Variants in XKR4 observed in about 807,000 individuals in gnomAD.
The protein encoded by XKR4 is XK related 4.
Under a neutral mutation model 53.9 loss-of-function variants are expected in XKR4, and 12 were observed. The ratio of observed to expected loss-of-function variants is 0.22; its 90% CI spans 0.14 to 0.36. The LOEUF (loss-of-function observed/expected upper bound fraction) is 0.36. XKR4 is among the 10% of genes least tolerant of loss of function. The pLI, the probability that XKR4 is intolerant of heterozygous loss-of-function variation, is 1.00. For synonymous variants in XKR4, 354 were observed against 362.4 expected, an observed-to-expected ratio of 0.98 and a Z score of 0.26; for missense variants, 799 against 859.5, an observed-to-expected ratio of 0.93 and a Z score of 0.88.
chr8:55,196,909 A>G (rs1247898690), intron 1 of XKR4, among the ~76,000 whole-genome samples: 2 of 152,158 alleles, frequency 1.3e-5, no homozygotes, highest in East Asian at 3.9e-4. Context: ...GACGGACGCT[A>G]GAAGAAGAAA....
chr8:55,512,516 G>A (rs2063027), intron 2 of XKR4, among the ~76,000 whole-genome samples: 11,942 of 152,168 alleles, frequency 0.078, 1,071 homozygotes, highest in East Asian at 0.28. Flanking sequence ...CTTAGTACAC[G>A]GGTTCTCTCT....
rs1807037696 is a variant in XKR4 at position 55,536,769 on chromosome 8, T to C, written c.*12542T>C. On this transcript the variant is annotated 3_prime_UTR_variant, in exon 3 of 3. Transcript: ENST00000327381. ...CATGAATGAAAGAGGTCAGGTAGGC[T>C]GTCCTGGGCATTCTGGGCCTGGCTG... 1 of 152,270 alleles carries C rather than the reference T, an allele frequency of 6.6e-6. No homozygotes were observed. Among genetic ancestry groups the C allele is most frequent in the Admixed American group, 6.5e-5 (1 of 15,292 alleles). The allele number at this position is 152,270 out of a possible 1,614,324, so 9.4% of individuals were successfully genotyped here.
chr8:55,481,614 C>G (rs1478702760), intron 2 of XKR4, among the ~76,000 whole-genome samples: 1 of 151,936 alleles, frequency 6.6e-6, no homozygotes, highest in Non-Finnish European at 1.5e-5. Context: ...AGGCAACCTA[C>G]AGAATGGGAG....
At chr8:55,121,379 G>T (rs1816388213) in intron 1 of XKR4, among the ~76,000 whole-genome samples, 1 of 152,070 alleles carries the variant, frequency 6.6e-6, no homozygotes, top group African/African-American at 2.4e-5. Context: ...ACCCTATGTT[G>T]GGCAACAGAG....
chr8:55,128,136 G>C (rs1339733201), intron 1 of XKR4, among the ~76,000 whole-genome samples: 3 of 151,938 alleles, frequency 2.0e-5, no homozygotes, highest in Non-Finnish European at 4.4e-5. Flanking sequence ...TCTAGTTCTA[G>C]ATCCCTGAGG....
rs1563374716 is a variant in XKR4, at chr8:55,530,200, GA to G, written c.*5975del. ...GGAAGGAAGGAAGGAAGGAAGGAAG[GA>G]AGGAAGGAGATTTAACAAGTCTTTG... On this transcript the variant is annotated 3_prime_UTR_variant, in exon 3 of 3. Coordinates refer to ENST00000327381, the MANE Select transcript of XKR4 (RefSeq NM_052898.2). 1.9e-5 allele frequency: 2 copies of G among 107,402 alleles called. No homozygotes were observed. Among genetic ancestry groups the G allele is most frequent in the African/African-American group, 7.6e-5 (2 of 26,334 alleles). The allele number at this position is 107,402 out of a possible 1,614,324, so 6.7% of individuals were successfully genotyped here. A position where few individuals can be genotyped will look rare whatever the true frequency, so the allele number is the denominator to read the frequency against.
At chr8:55,462,590 C>A (rs1261452410) in intron 2 of XKR4, among the ~76,000 whole-genome samples, 2 of 152,132 alleles carry the variant, frequency 1.3e-5, no homozygotes, top group African/African-American at 4.8e-5. Context: ...AACCAGCTAA[C>A]ATCATAATGA....
intron 2 of XKR4, among the ~76,000 whole-genome samples, chr8:55,446,644 C>T (rs758850998): frequency 2.0e-5 from 3 of 152,098 alleles, no homozygotes; most frequent in Non-Finnish European, 4.4e-5. Context: ...CTACTGTGCC[C>T]GGCTAACTGA....
At chr8:55,137,363 T>G (rs966081650) in intron 1 of XKR4, among the ~76,000 whole-genome samples, 1 of 152,188 alleles carries the variant, frequency 6.6e-6, no homozygotes, top group African/African-American at 2.4e-5. Flanking sequence ...TATTTACCAG[T>G]CAATTATTAT....
At chr8:55,186,375 G>T (rs1817376516) in intron 1 of XKR4, among the ~76,000 whole-genome samples, 1 of 152,166 alleles carries the variant, frequency 6.6e-6, no homozygotes, top group Non-Finnish European at 1.5e-5. Flanking sequence ...TCAAATAGAG[G>T]CCGGGCGCTG....
intron 1 of XKR4, among the ~76,000 whole-genome samples, chr8:55,145,615 C>T (rs1816763977): frequency 6.6e-6 from 1 of 152,170 alleles, no homozygotes; most frequent in African/African-American, 2.4e-5. Context: ...ATTTTTGCAA[C>T]TTTTTGAATA....
chr8:55,440,346 G>T (rs921542913), intron 2 of XKR4, among the ~76,000 whole-genome samples: 5 of 152,106 alleles, frequency 3.3e-5, no homozygotes, highest in African/African-American at 1.2e-4. Context: ...TAAGCAAAGA[G>T]TAATGGTATT....
chr8:55,383,255 G>A (rs1804261842), intron 2 of XKR4, among the ~76,000 whole-genome samples: 1 of 152,190 alleles, frequency 6.6e-6, no homozygotes, highest in South Asian at 2.1e-4. Flanking sequence ...AAAAGAGACT[G>A]AAAGCACAGT....
At position 55,468,002 on chromosome 8, in the gene XKR4, T is replaced by C. The variant is rs1353804123; in HGVS notation, c.1007-55279T>C. The stretch of plus-strand genomic sequence containing the variant: ...TCATAATCAGATCTATTAACATTTA[T>C]GGTTTCTTTTTTATGCTTTAACATA... On this transcript the variant is annotated intron_variant, in intron 2 of 2. Coordinates refer to ENST00000327381, the MANE Select transcript of XKR4 (RefSeq NM_052898.2). Among the ~76,000 whole-genome samples the C allele has an allele frequency of 2.0e-5, 3 of 152,322 alleles. No individual in the cohort carries two copies. In the East Asian group the frequency reaches 5.8e-4, roughly 29 times the overall value.
At chr8:55,308,122 A>T (rs1446462065) in intron 1 of XKR4, among the ~76,000 whole-genome samples, 4 of 151,986 alleles carry the variant, frequency 2.6e-5, no homozygotes, top group Non-Finnish European at 4.4e-5. Flanking sequence ...GCATGGTGGC[A>T]TGTGCCTGTA....
At chr8:55,440,053 G>A (rs1050170346) in intron 2 of XKR4, among the ~76,000 whole-genome samples, 4 of 152,172 alleles carry the variant, frequency 2.6e-5, no homozygotes, top group African/African-American at 9.7e-5. Context: ...CTCAAGAACA[G>A]AAATGGAAGT....
chr8:55,524,977 G>A lies in XKR4; in HGVS notation c.*750G>A, dbSNP rs962070550. ...GTACGGCTTTCAACAAGACCAAGGA[G>A]CTCAATAACTTCATGATGTAAATTA... is the stretch of plus-strand genomic sequence containing the variant. On this transcript the variant is annotated 3_prime_UTR_variant, in exon 3 of 3. Transcript: ENST00000327381. The A allele has an allele frequency of 6.6e-6, 1 of 152,626 alleles. No individual in the cohort carries two copies. The highest frequency in any genetic ancestry group is 1.5e-5 in the Non-Finnish European group (1 of 68,044). The allele number at this position is 152,626 out of a possible 1,614,324, so 9.5% of individuals were successfully genotyped here. A position where few individuals can be genotyped will look rare whatever the true frequency, so the allele number is the denominator to read the frequency against.
chr8:55,369,134 G>A (rs1804033904), intron 2 of XKR4, among the ~76,000 whole-genome samples: 1 of 151,872 alleles, frequency 6.6e-6, no homozygotes, highest in Admixed American at 6.6e-5. Context: ...GTCCAAGGCA[G>A]GAGGATTGCT....
At chr8:55,152,533 A>T (rs1375504164) in intron 1 of XKR4, among the ~76,000 whole-genome samples, 1 of 152,208 alleles carries the variant, frequency 6.6e-6, no homozygotes, top group Non-Finnish European at 1.5e-5. Context: ...TTTACATTCT[A>T]AATTATTAAT....
Sources: allele counts gnomAD v4.1 joint callset (sites outside exome capture counted in the v4.1 genomes callset), GRCh38; gene constraint gnomAD v4.1.1; transcripts MANE v1.5; gene names NCBI Gene and HGNC (gene_info 2026-07-23, HGNC 2026-07-21).